The following PIK3C3 variants were observed in gnomAD, a reference collection of about 807,000 sequenced individuals.
The protein encoded by PIK3C3 is phosphatidylinositol 3-kinase catalytic subunit type 3, also known as PI3-kinase type 3.
A neutral mutation model predicts 126.1 loss-of-function variants in PIK3C3; 95 were observed. That is an observed-to-expected ratio of 0.75 (90% CI 0.64 to 0.89). PIK3C3 has a LOEUF of 0.89. PIK3C3 is among the 40% of genes least tolerant of loss of function. PIK3C3 has a pLI of 0.00. For synonymous variants in PIK3C3, 374 were observed against 360.0 expected (o/e 1.04, Z -0.44); for missense variants, 829 against 1,063.2 (o/e 0.78, Z 3.06).
chr18:42,067,342 T>C lies in PIK3C3; in HGVS notation c.2524-46T>C, dbSNP rs1037128320. ...AGTTTGATTCTGCCTGTTCAAAATG[T>C]GCCCTATTTTTCTTCGTTGTAAAGA... On this transcript the variant is annotated intron_variant, in intron 23 of 24. Transcript: ENST00000262039. The C allele has an allele frequency of 3.1e-6, 5 of 1,590,426 alleles. No individual in the cohort carries two copies. In the South Asian group the frequency reaches 5.6e-5, roughly 18 times the overall value.
intron 22 of PIK3C3, among the ~76,000 whole-genome samples, chr18:42,061,047 A>C (rs1295047026): frequency 6.6e-6 from 1 of 152,204 alleles, no homozygotes; most frequent in South Asian, 2.1e-4. Context: ...TTCTATTTTC[A>C]GTAATAAAGG....
chr18:41,988,533 T>G (rs1023729478), intron 5 of PIK3C3, among the ~76,000 whole-genome samples: 1 of 152,118 alleles, frequency 6.6e-6, no homozygotes, highest in Non-Finnish European at 1.5e-5. Context: ...AATAATTATA[T>G]TAATCAAATT....
At chr18:42,024,581 A>G (rs1983470177) in intron 13 of PIK3C3, among the ~76,000 whole-genome samples, 2 of 151,778 alleles carry the variant, frequency 1.3e-5, no homozygotes, top group Non-Finnish European at 2.9e-5. Context: ...GATTACAGGC[A>G]TGTGCCACCA....
chr18:42,055,025 G>T (rs1984999515), intron 21 of PIK3C3, among the ~76,000 whole-genome samples: 1 of 151,668 alleles, frequency 6.6e-6, no homozygotes, highest in Non-Finnish European at 1.5e-5. Flanking sequence ...TTTCCCACTT[G>T]CTATAATTTG....
At position 42,083,744 on chromosome 18, in the gene PIK3C3, C is replaced by T. The variant is rs1271185413; in HGVS notation, c.*2607C>T. ...TCTCCTCATTTTTTAGTTGAAATAA[C>T]TGAAGTTTAAAGCAATTGAATCATC... On this transcript the variant is annotated 3_prime_UTR_variant, in exon 25 of 25. Coordinates refer to ENST00000262039, the MANE Select transcript of PIK3C3 (RefSeq NM_002647.4). 6.6e-6 allele frequency: 1 copy of T among 152,158 alleles called. No individual in the cohort carries two copies. The highest frequency in any genetic ancestry group is 1.5e-5 in the Non-Finnish European group (1 of 68,040). 9.4% of individuals were successfully genotyped at this position (152,158 alleles called of 1,614,324 possible).
At chr18:42,014,333 C>A (rs1598896599) in intron 11 of PIK3C3, among the ~76,000 whole-genome samples, 2 of 149,714 alleles carry the variant, frequency 1.3e-5, no homozygotes, top group Admixed American at 6.6e-5. Context: ...AGTAGTTAAA[C>A]TGAAAATAAT....
In PIK3C3 at chr18:41,995,955, C is replaced by A. The variant is rs762755261; in HGVS notation, c.852C>A (p.His284Gln). The change falls in exon 8 of 25, where the codon CAC becomes CAA. Residue 284 changes from histidine (H) to glutamine (Q), a missense_variant. By Grantham distance (24) the His-to-Gln change is conservative. Transcript: ENST00000262039. ...GTTTAAGAAGTGGACCTTCTGACCA[C>A]GATCTGAAACCCAATGCTGCCACGA... ...ARSLRSGPSD[H>Q]DLKPNAATRD... is the part of the protein sequence containing the mutation. The A allele has an allele frequency of 1.9e-6, 3 of 1,612,456 alleles. No homozygotes were observed. Among genetic ancestry groups the A allele is most frequent in the Non-Finnish European group, 2.5e-6 (3 of 1,178,786 alleles).
At chr18:42,049,458 GC>G (rs1984696146) in intron 20 of PIK3C3, 72 bp from the exon 21 acceptor site, 1 of 1,083,154 alleles carries the variant, frequency 9.2e-7, no homozygotes, top group Non-Finnish European at 1.4e-6. Flanking sequence ...TGCACAAACT[GC>G]TTTTATATTC....
chr18:41,980,632 A>G (rs1236542766), intron 4 of PIK3C3, among the ~76,000 whole-genome samples: 1 of 152,130 alleles, frequency 6.6e-6, no homozygotes, highest in East Asian at 1.9e-4. Context: ...CCTGGGCAAC[A>G]TGATGAAACT....
chr18:42,076,534 C>T (rs962957012), intron 24 of PIK3C3, among the ~76,000 whole-genome samples: 4 of 152,030 alleles, frequency 2.6e-5, no homozygotes, highest in Non-Finnish European at 5.9e-5. Flanking sequence ...TTCATTGACC[C>T]ACCTGTGCTC....
intron 1 of PIK3C3, among the ~76,000 whole-genome samples, chr18:41,956,539 A>C (rs1482756712): frequency 6.8e-6 from 1 of 147,814 alleles, no homozygotes. Context: ...AAGCCAAAAA[A>C]ACCGGTCCCT....
chr18:42,059,096 G>A (rs982237487), intron 22 of PIK3C3, among the ~76,000 whole-genome samples: 5 of 152,192 alleles, frequency 3.3e-5, no homozygotes, highest in Admixed American at 6.5e-5. Context: ...CCTGCTTTGA[G>A]TCTAGTGTGA....
At chr18:42,072,290 T>C (rs2144527829) in intron 24 of PIK3C3, among the ~76,000 whole-genome samples, 1 of 152,292 alleles carries the variant, frequency 6.6e-6, no homozygotes. Context: ...GAATTACAGA[T>C]ATTTCAGCAT....
At position 42,035,733 on chromosome 18, in the gene PIK3C3, C is replaced by T. The variant is rs142750367; in HGVS notation, c.1839+1776C>T. ...GGATTATGCACTTCAGAAAATTGCC[C>T]GTATGCTTACACATACACTGAAATT... On this transcript the variant is annotated intron_variant, in intron 16 of 24. Coordinates refer to ENST00000262039, the MANE Select transcript of PIK3C3 (RefSeq NM_002647.4). 3.9e-3 allele frequency among the ~76,000 whole-genome samples: 596 copies of T among 152,176 alleles called. 4 individuals are homozygous for T. Among genetic ancestry groups the T allele is most frequent in the African/African-American group, 0.012 (489 of 41,510 alleles).
At position 42,086,790 on chromosome 18, in the gene PIK3C3, A is replaced by G. The variant is rs1986408776; in HGVS notation, c.*5653A>G. 1 of 152,212 alleles carries G rather than the reference A, an allele frequency of 6.6e-6. No homozygotes were observed. Among genetic ancestry groups the G allele is most frequent in the African/African-American group, 2.4e-5 (1 of 41,458 alleles). 9.4% of individuals were successfully genotyped at this position (152,212 alleles called of 1,614,324 possible). Reference sequence around the variant, plus strand: ...GAATAATCCACCCCTTGTTTAGCATATGATCAAGAAATAATCATTAAAAAA... The same window carrying G: ...GAATAATCCACCCCTTGTTTAGCATGTGATCAAGAAATAATCATTAAAAAA... On this transcript the variant is annotated 3_prime_UTR_variant, in exon 25 of 25. Transcript: ENST00000262039.
At chr18:41,990,931 G>A (rs1296613684) in intron 6 of PIK3C3, among the ~76,000 whole-genome samples, 1 of 152,112 alleles carries the variant, frequency 6.6e-6, no homozygotes, top group African/African-American at 2.4e-5. Flanking sequence ...AAAGTTAAGA[G>A]TCTGTTTGTT....
intron 4 of PIK3C3, 66 bp downstream of exon 4, chr18:41,970,522 G>A: frequency 7.3e-7 from 1 of 1,361,538 alleles, no homozygotes; most frequent in Middle Eastern, 1.8e-4. Flanking sequence ...TATATACCTT[G>A]ACATTATGAA....
intron 22 of PIK3C3, among the ~76,000 whole-genome samples, chr18:42,062,180 G>A (rs979786742): frequency 6.6e-6 from 1 of 151,494 alleles, no homozygotes; most frequent in African/African-American, 2.4e-5. Context: ...AAAAAATTAT[G>A]TACCTATGTA....
intron 2 of PIK3C3, among the ~76,000 whole-genome samples, chr18:41,959,493 T>C (rs760973870): frequency 6.6e-6 from 1 of 152,222 alleles, no homozygotes; most frequent in African/African-American, 2.4e-5. Context: ...CTAAGCTATG[T>C]AGACAATAGA....
Sources: gnomAD v4.1 joint callset for allele counts (sites outside exome capture counted in the v4.1 genomes callset) on GRCh38, gnomAD v4.1.1 for gene constraint, MANE v1.5 for transcripts, NCBI Gene and HGNC (gene_info 2026-07-23, HGNC 2026-07-21) for gene names.